CPVL: variants seen among roughly 807,000 people sequenced by gnomAD.
CPVL encodes the protein probable serine carboxypeptidase CPVL.
CPVL carries 51 observed loss-of-function variants against 63.7 expected under a neutral mutation model. The ratio of observed to expected loss-of-function variants is 0.80; its 90% CI spans 0.64 to 1.01. The LOEUF (loss-of-function observed/expected upper bound fraction) is 1.01, where lower values mean the gene tolerates loss of function less well. CPVL is among the 50% of genes least tolerant of loss of function. The probability of loss-of-function intolerance (pLI) is 0.00; values close to 1 mark genes in which losing one functional copy is unlikely to be tolerated. For missense variants in CPVL, 530 were observed against 573.1 expected (o/e 0.92, Z 0.77); for synonymous variants, 195 against 206.0 (o/e 0.95, Z 0.46).
chr7:29,081,864 T>C (rs1437761108), intron 7 of CPVL, among the ~76,000 whole-genome samples: 1 of 152,208 alleles, frequency 6.6e-6, no homozygotes, highest in African/African-American at 2.4e-5. Flanking sequence ...CCCTATGCAG[T>C]AGGTACTATT....
At chr7:29,142,528 CTTTT>C (rs10663904) in intron 1 of CPVL, among the ~76,000 whole-genome samples, 7 of 127,630 alleles carry the variant, frequency 5.5e-5, no homozygotes, top group African/African-American at 1.8e-4. Flanking sequence ...CTTCCAGATA[CTTTT>C]TTTTTTTTTT....
chr7:29,164,147 C>A (rs1161319289), intron 5 of CPVL, among the ~76,000 whole-genome samples: 4 of 152,170 alleles, frequency 2.6e-5, no homozygotes, highest in African/African-American at 9.7e-5. Flanking sequence ...TTAGTTGCTC[C>A]ATATCCTTCC....
intron 11 of CPVL, among the ~76,000 whole-genome samples, chr7:29,051,901 A>AAT (rs373878691): frequency 3.9e-4 from 57 of 147,576 alleles, no homozygotes; most frequent in African/African-American, 8.8e-4. Flanking sequence ...TATAAATATA[A>AAT]ATATATATAT....
intron 11 of CPVL, among the ~76,000 whole-genome samples, chr7:29,059,029 C>T (rs531233826): frequency 1.3e-5 from 2 of 152,076 alleles, no homozygotes; most frequent in African/African-American, 4.8e-5. Context: ...TTCTGGTATT[C>T]CCTTTATGTG....
chr7:29,087,078 A>C (rs1785274994), intron 6 of CPVL, among the ~76,000 whole-genome samples: 1 of 152,188 alleles, frequency 6.6e-6, no homozygotes, highest in Non-Finnish European at 1.5e-5. Flanking sequence ...CAGATATTGA[A>C]ATAAATGTAC....
chr7:29,033,898 G>A (rs1161235540), intron 11 of CPVL, among the ~76,000 whole-genome samples: 1 of 152,066 alleles, frequency 6.6e-6, no homozygotes, highest in East Asian at 1.9e-4. Flanking sequence ...CAATGTCACA[G>A]AAAAATGCTT....
chr7:29,021,855 C>T (rs908932752), intron 12 of CPVL, among the ~76,000 whole-genome samples: 1 of 152,056 alleles, frequency 6.6e-6, no homozygotes, highest in African/African-American at 2.4e-5. Context: ...ATCTACATCC[C>T]TGAACCCCTG....
intron 5 of CPVL, among the ~76,000 whole-genome samples, chr7:29,160,430 A>C (rs1795021352): frequency 6.6e-6 from 1 of 152,238 alleles, no homozygotes; most frequent in Admixed American, 6.5e-5. Flanking sequence ...TTTGGGCAAT[A>C]ATGTACCCAG....
Position 29,121,017 on chromosome 7 carries a change from C to T in CPVL, c.45G>A (p.Leu15=). 1 of 1,610,834 alleles carries T rather than the reference C, an allele frequency of 6.2e-7. No homozygotes were observed. Among genetic ancestry groups the T allele is most frequent in the Non-Finnish European group, 8.5e-7 (1 of 1,178,840 alleles). Residue 15 remains leucine, a synonymous_variant, in exon 2 of 13, where the codon TTG becomes TTA. Coordinates refer to ENST00000265394, the MANE Select transcript of CPVL (RefSeq NM_031311.5). ...ACAGCCCATCACAGGGGCCAGGCAT[C>T]AACAGGACCAGCGAAACAATCACCT... ...MWKVIVSLVL[L]MPGPCDGLFR...
chr7:29,071,933 T>A, intron 8 of CPVL, 29 bp from the exon 9 acceptor site: 3 of 1,612,892 alleles, frequency 1.9e-6, no homozygotes, highest in Non-Finnish European at 2.5e-6. Flanking sequence ...CACATCAATG[T>A]GACAAAGGGA....
intron 7 of CPVL, among the ~76,000 whole-genome samples, chr7:29,085,626 T>TA (rs1785126766): frequency 6.6e-6 from 1 of 152,226 alleles, no homozygotes; most frequent in Admixed American, 6.5e-5. Context: ...TGAATGGTCT[T>TA]TAATTATGAG....
At chr7:29,143,301 A>G (rs1792100141) in intron 1 of CPVL, among the ~76,000 whole-genome samples, 1 of 152,176 alleles carries the variant, frequency 6.6e-6, no homozygotes, top group Non-Finnish European at 1.5e-5. Flanking sequence ...TGCTGAGCAA[A>G]CCTCCAGGCA....
At chr7:29,139,995 A>G (rs2128668625) in intron 1 of CPVL, among the ~76,000 whole-genome samples, 2 of 152,302 alleles carry the variant, frequency 1.3e-5, no homozygotes, top group South Asian at 4.1e-4. Context: ...CGGTCTGCAC[A>G]TGACTCAGAA....
intron 2 of CPVL, among the ~76,000 whole-genome samples, chr7:29,120,517 G>T (rs1037388680): frequency 6.6e-6 from 1 of 151,910 alleles, no homozygotes; most frequent in Non-Finnish European, 1.5e-5. Flanking sequence ...CATCCTATGG[G>T]TTACTTGTTT....
At chr7:29,017,572 G>A (rs537897752) in intron 12 of CPVL, among the ~76,000 whole-genome samples, 1 of 152,348 alleles carries the variant, frequency 6.6e-6, no homozygotes, top group East Asian at 1.9e-4. Context: ...GGTGGAGGTT[G>A]CAGTAAGCCA....
At chr7:29,079,534 G>A (rs970460205) in intron 7 of CPVL, among the ~76,000 whole-genome samples, 2 of 152,126 alleles carry the variant, frequency 1.3e-5, no homozygotes, top group Non-Finnish European at 2.9e-5. Flanking sequence ...GATTAAACGA[G>A]GTAATGCATA....
chr7:29,089,339 A>T (rs940747046), intron 6 of CPVL, among the ~76,000 whole-genome samples: 2 of 152,218 alleles, frequency 1.3e-5, no homozygotes, highest in Non-Finnish European at 2.9e-5. Flanking sequence ...CAGTTCTAAT[A>T]GAGTCAGAAG....
At chr7:29,015,324 C>A (rs1000949310) in intron 12 of CPVL, among the ~76,000 whole-genome samples, 3 of 152,052 alleles carry the variant, frequency 2.0e-5, no homozygotes, top group Non-Finnish European at 2.9e-5. Context: ...TGTGTCCCCA[C>A]CCAAATTGCT....
chr7:29,003,700 C>A (rs1461867496), intron 12 of CPVL, among the ~76,000 whole-genome samples: 1 of 152,190 alleles, frequency 6.6e-6, no homozygotes, highest in East Asian at 1.9e-4. Context: ...CCCAACCTTT[C>A]TGACACCAGG....
Sources: allele counts gnomAD v4.1 joint callset (sites outside exome capture counted in the v4.1 genomes callset), GRCh38; gene constraint gnomAD v4.1.1; transcripts MANE v1.5; gene names NCBI Gene and HGNC (gene_info 2026-07-23, HGNC 2026-07-21).